The following PPP2R5B variants were observed in gnomAD, a reference collection of about 807,000 sequenced individuals.
PPP2R5B encodes the protein serine/threonine-protein phosphatase 2A 56 kDa regulatory subunit beta isoform.
Under a neutral mutation model 59.9 loss-of-function variants are expected in PPP2R5B, and 19 were observed. The observed-to-expected ratio is 0.32, with a 90% confidence interval of 0.22 to 0.47. The LOEUF (loss-of-function observed/expected upper bound fraction) is 0.47, where lower values mean the gene tolerates loss of function less well. Among genes scored for constraint, PPP2R5B ranks in the 20% least tolerant of loss-of-function variants. The pLI, the probability that PPP2R5B is intolerant of heterozygous loss-of-function variation, is 1.00. For synonymous variants in PPP2R5B, 286 were observed against 260.5 expected, an observed-to-expected ratio of 1.10 and a Z score of -0.94; for missense variants, 441 against 640.2, an observed-to-expected ratio of 0.69 and a Z score of 3.36.
At chr11:64,919,705 C>T (rs572848465), upstream of PPP2R5B, among the ~76,000 whole-genome samples, 3 of 149,072 alleles carry the variant, frequency 2.0e-5, no homozygotes, top group Admixed American at 6.6e-5. Flanking sequence ...CGGTGACAGA[C>T]GGAGATCTTG....
chr11:64,931,818 G>A lies in PPP2R5B; in HGVS notation c.1066G>A (p.Glu356Lys), dbSNP rs773972870. ...IEPSQFVKIQEPLFKQVARCV... is the reference protein window; with the variant it reads ...IEPSQFVKIQKPLFKQVARCV... The stretch of plus-strand genomic sequence containing the variant: ...GCCCTCCCAGTTTGTGAAGATCCAG[G>A]AGCCCCTTTTTAAGCAGGTGGCTCG... The change falls in exon 11 of 14, where the codon GAG becomes AAG. Residue 356 changes from glutamate to lysine, a missense_variant. Physicochemically the swap from Glu to Lys is moderately conservative, Grantham distance 56. Coordinates refer to ENST00000164133, the MANE Select transcript of PPP2R5B (RefSeq NM_006244.4). This position sits in a 1 kb window ranked among gnomAD's most constrained non-coding sequence, Gnocchi z 5.0. The A allele has an allele frequency of 6.2e-7, 1 of 1,614,198 alleles. No individual in the cohort carries two copies. Among genetic ancestry groups the A allele is most frequent in the Non-Finnish European group, 8.5e-7 (1 of 1,180,046 alleles).
chr11:64,933,754 G>A lies in PPP2R5B; in HGVS notation c.1404G>A (p.Arg468=). The A allele has an allele frequency of 6.4e-7, 1 of 1,556,198 alleles. No individual in the cohort carries two copies. Among genetic ancestry groups the A allele is most frequent in the Non-Finnish European group, 8.7e-7 (1 of 1,149,550 alleles). ...TATGGCAAGGTCTGGAGGAGCTGCG[G>A]CTACGCCGGCTACAGGGGACCCAGG... ...QELWQGLEEL[R]LRRLQGTQGA... The change falls in exon 14 of 14, where the codon CGG becomes CGA. Residue 468 remains arginine, a synonymous_variant. Coordinates refer to ENST00000164133, the MANE Select transcript of PPP2R5B (RefSeq NM_006244.4).
In PPP2R5B at chr11:64,925,614, G is replaced by GGCCCCCC; in HGVS notation, c.-121_-120insGCCCCCC. 1 of 450,338 alleles carries GGCCCCCC rather than the reference G, an allele frequency of 2.2e-6. No individual in the cohort carries two copies. The highest frequency in any genetic ancestry group is 2.2e-5 in the African/African-American group (1 of 44,452). 27.9% of individuals were successfully genotyped at this position (450,338 alleles called of 1,614,324 possible). A position where few individuals can be genotyped will look rare whatever the true frequency, so the allele number is the denominator to read the frequency against. On this transcript the variant is annotated 5_prime_UTR_variant, in exon 2 of 14. Coordinates refer to ENST00000164133, the MANE Select transcript of PPP2R5B (RefSeq NM_006244.4). The surrounding 1 kb of genome is among the most constrained non-coding windows in gnomAD (Gnocchi z 4.6). ...GGGGGGGGCCCAGGACTGTGGTTGTGCCCCCCCCCCAAAGGCCGGACAGGA... is the reference window on the plus strand; with the variant it reads ...GGGGGGGGCCCAGGACTGTGGTTGTGGCCCCCCCCCCCCCCCCAAAGGCCGGACAGGA...
At chr11:64,933,496 A>T (rs1478129489) in intron 13 of PPP2R5B, among the ~76,000 whole-genome samples, 2 of 152,164 alleles carry the variant, frequency 1.3e-5, no homozygotes, top group Non-Finnish European at 2.9e-5. Context: ...CCCACCCGTC[A>T]TCTTCTCTGT....
At chr11:64,930,753 C>G (rs1045910155) in intron 8 of PPP2R5B, among the ~76,000 whole-genome samples, 164 bp downstream of exon 8, 1 of 152,228 alleles carries the variant, frequency 6.6e-6, no homozygotes, top group Non-Finnish European at 1.5e-5. Flanking sequence ...TAAGGCTAAC[C>G]TCAGATATCA....
In PPP2R5B at chr11:64,925,619, C is replaced by A. The variant is rs923660059; in HGVS notation, c.-116C>A. On this transcript the variant is annotated 5_prime_UTR_variant, in exon 2 of 14. Transcript: ENST00000164133. The surrounding 1 kb of genome is among the most constrained non-coding windows in gnomAD (Gnocchi z 4.6). ...GGGCCCAGGACTGTGGTTGTGCCCCCCCCCCAAAGGCCGGACAGGATGGGA... is the reference window on the plus strand; with the variant it reads ...GGGCCCAGGACTGTGGTTGTGCCCCACCCCCAAAGGCCGGACAGGATGGGA... 1.1e-5 allele frequency: 6 copies of A among 553,186 alleles called. No homozygotes were observed. Among genetic ancestry groups the A allele is most frequent in the Admixed American group, 3.1e-5 (1 of 31,836 alleles). 34.3% of individuals were successfully genotyped at this position (553,186 alleles called of 1,614,324 possible).
intron 3 of PPP2R5B, 103 bp downstream of exon 3, chr11:64,927,011 G>A (rs543523634): frequency 2.2e-5 from 31 of 1,382,472 alleles, no homozygotes; most frequent in African/African-American, 1.9e-4. Flanking sequence ...TGTACTCATC[G>A]GCTTGGCCTC....
chr11:64,922,725 A>C (rs1219160286), upstream of PPP2R5B, among the ~76,000 whole-genome samples: 1 of 151,690 alleles, frequency 6.6e-6, no homozygotes, highest in South Asian at 2.1e-4. Flanking sequence ...ATACAAAAAA[A>C]CTAGCTGGGC....
rs1366698462 is a variant in PPP2R5B at position 64,928,134 on chromosome 11, T to C, written c.567T>C (p.Tyr189=). The C allele has an allele frequency of 3.7e-6, 6 of 1,614,074 alleles. No homozygotes were observed. The South Asian group carries it at 5.5e-5, about 15-fold the overall frequency. ...PDFQPSVAKR[Y]VDQKFVLMLL... is the part of the protein sequence containing the mutation. The stretch of plus-strand genomic sequence containing the variant: ...TCCAGCCCTCCGTGGCCAAGAGATA[T>C]GTGGATCAAAAGTTTGTCCTGATGG... Residue 189 remains tyrosine, a synonymous_variant, in exon 5 of 14, where the codon TAT becomes TAC. Coordinates refer to ENST00000164133, the MANE Select transcript of PPP2R5B (RefSeq NM_006244.4).
Position 64,926,987 on chromosome 11 carries a change from G to A in PPP2R5B, c.396+79G>A, listed in dbSNP as rs915583815. On this transcript the variant is annotated intron_variant, in intron 3 of 13. Coordinates refer to ENST00000164133, the MANE Select transcript of PPP2R5B (RefSeq NM_006244.4). ...CGTTTCCTGTCCGCAGGACCCCTGCGTGGAGAATAACCCTGTACTCATCGG... is the reference window on the plus strand; with the variant it reads ...CGTTTCCTGTCCGCAGGACCCCTGCATGGAGAATAACCCTGTACTCATCGG... The A allele has an allele frequency of 3.6e-5, 54 of 1,499,358 alleles. No individual in the cohort carries two copies. In the Admixed American group the frequency reaches 6.3e-4, roughly 18 times the overall value. The allele number at this position is 1,499,358 out of a possible 1,614,324, so 92.9% of individuals were successfully genotyped here.
At chr11:64,921,060 T>C (rs1945106181), upstream of PPP2R5B, among the ~76,000 whole-genome samples, 2 of 151,544 alleles carry the variant, frequency 1.3e-5, no homozygotes, top group Non-Finnish European at 2.9e-5. Context: ...GCTCAAGCAA[T>C]CCTCCCACCT....
chr11:64,923,329 C>G (rs1945126870), upstream of PPP2R5B, among the ~76,000 whole-genome samples: 1 of 152,220 alleles, frequency 6.6e-6, no homozygotes, highest in South Asian at 2.1e-4. Flanking sequence ...CCTTGCCTGG[C>G]TGCAGAGGCT....
At chr11:64,927,037 T>TC (rs71270582) in intron 3 of PPP2R5B, 129 bp downstream of exon 3, 243,140 of 1,067,658 alleles carry the variant, frequency 0.23, 33,315 homozygotes, top group East Asian at 0.5. Context: ...ACGTCTTCCT[T>TC]CCCCCCGACC....
At position 64,927,825 on chromosome 11, in the gene PPP2R5B, T is replaced by C. The variant is rs767203897; in HGVS notation, c.420T>C (p.Thr140=). 1.2e-6 allele frequency: 2 copies of C among 1,611,406 alleles called. No individual in the cohort carries two copies. Among genetic ancestry groups the C allele is most frequent in the South Asian group, 1.1e-5 (1 of 91,018 alleles). The change falls in exon 4 of 14, where the codon ACT becomes ACC. Residue 140 remains threonine, a synonymous_variant. Coordinates refer to ENST00000164133, the MANE Select transcript of PPP2R5B (RefSeq NM_006244.4). ...IRMISVNIFR[T]LPPSENPEFD... is the part of the protein sequence containing the mutation. ...AGATCTCAGTGAATATCTTCCGGAC[T>C]CTGCCGCCCAGTGAGAACCCTGAAT...
At chr11:64,929,555 G>A (rs1405633265) in intron 6 of PPP2R5B, among the ~76,000 whole-genome samples, 2 of 152,112 alleles carry the variant, frequency 1.3e-5, no homozygotes, top group African/African-American at 2.4e-5. Context: ...GTGAAACTCC[G>A]TCTCTACTAA....
intron 11 of PPP2R5B, among the ~76,000 whole-genome samples, chr11:64,932,204 T>C (rs549741124): frequency 2.6e-5 from 4 of 152,242 alleles, no homozygotes; most frequent in South Asian, 4.1e-4. Context: ...CAGAATGTGA[T>C]GGAGGACTGT....
At chr11:64,923,509 C>A (rs138758445), upstream of PPP2R5B, among the ~76,000 whole-genome samples, 1 of 152,316 alleles carries the variant, frequency 6.6e-6, no homozygotes, top group Non-Finnish European at 1.5e-5. Context: ...TCTCCAGTGC[C>A]GGAGTCCTGG....
chr11:64,925,572 A>C lies in PPP2R5B; in HGVS notation c.-163A>C. ...CCCTGTCTGCCCCCCAGGACTGGGCAGTTGCAGGAGGCCCTGGGGGGGGGC... is the reference window on the plus strand; with the variant it reads ...CCCTGTCTGCCCCCCAGGACTGGGCCGTTGCAGGAGGCCCTGGGGGGGGGC... On this transcript the variant is annotated 5_prime_UTR_variant, in exon 2 of 14. Coordinates refer to ENST00000164133, the MANE Select transcript of PPP2R5B (RefSeq NM_006244.4). The surrounding 1 kb of genome is among the most constrained non-coding windows in gnomAD (Gnocchi z 4.6). The C allele has an allele frequency of 5.2e-6, 3 of 580,504 alleles. No homozygotes were observed. The highest frequency in any genetic ancestry group is 1.9e-5 in the African/African-American group (1 of 52,522). 36.0% of individuals were successfully genotyped at this position (580,504 alleles called of 1,614,324 possible). A position where few individuals can be genotyped will look rare whatever the true frequency, so the allele number is the denominator to read the frequency against.
chr11:64,918,806 C>T (rs907115859), intron 1 of PPP2R5B, among the ~76,000 whole-genome samples: 1 of 152,154 alleles, frequency 6.6e-6, no homozygotes, highest in African/African-American at 2.4e-5. Flanking sequence ...CTATTTTAAT[C>T]TTACTTGGGA....
Sources: allele counts gnomAD v4.1 joint callset (sites outside exome capture counted in the v4.1 genomes callset), GRCh38; gene constraint gnomAD v4.1.1; non-coding constraint Gnocchi (gnomAD v3.1); transcripts MANE v1.5; gene names NCBI Gene and HGNC (gene_info 2026-07-23, HGNC 2026-07-21).